The following ZFYVE26 variants were observed in gnomAD, a reference collection of about 807,000 sequenced individuals.
The protein encoded by ZFYVE26 is zinc finger FYVE domain-containing protein 26.
ZFYVE26 carries 181 observed loss-of-function variants against 276.5 expected under a neutral mutation model. That is an observed-to-expected ratio of 0.65 (90% CI 0.58 to 0.74). ZFYVE26 has a LOEUF of 0.74. Among genes scored for constraint, ZFYVE26 ranks in the 30% least tolerant of loss-of-function variants. The pLI is 0.00. For synonymous variants in ZFYVE26, 1,129 were observed against 1,203.1 expected, an observed-to-expected ratio of 0.94 and a Z score of 1.27; for missense variants, 2,821 against 3,097.9, an observed-to-expected ratio of 0.91 and a Z score of 2.12.
chr14:67,809,074 G>T, intron 4 of ZFYVE26, 126 bp downstream of exon 4: 1 of 835,764 alleles, frequency 1.2e-6, no homozygotes, highest in Non-Finnish European at 2.1e-6. Flanking sequence ...AGGAGCTTCT[G>T]TGTTGCCTTG....
intron 3 of ZFYVE26, 37 bp from the exon 4 acceptor site, chr14:67,809,326 T>C: frequency 2.4e-5 from 32 of 1,354,264 alleles, no homozygotes; most frequent in Non-Finnish European, 3.1e-5. Context: ...AGAGATGAGA[T>C]ATATGTTTTA....
Position 67,746,781 on chromosome 14 carries a change from T to C in ZFYVE26, c.*1655A>G, listed in dbSNP as rs1042457220. On this transcript the variant is annotated 3_prime_UTR_variant, in exon 42 of 42. Transcript: ENST00000347230. The stretch of plus-strand genomic sequence containing the variant: ...GTGACCCATTAGTATAAAGTGCTTA[T>C]GTTCAGTGCAAAAAAGGCAGACTCA... 2.6e-5 allele frequency: 4 copies of C among 152,600 alleles called. No individual in the cohort carries two copies. Among genetic ancestry groups the C allele is most frequent in the African/African-American group, 4.8e-5 (2 of 41,428 alleles). 9.5% of individuals were successfully genotyped at this position (152,600 alleles called of 1,614,324 possible). A position where few individuals can be genotyped will look rare whatever the true frequency, so the allele number is the denominator to read the frequency against.
intron 22 of ZFYVE26, among the ~76,000 whole-genome samples, chr14:67,780,961 CTT>C (rs1220699388): frequency 6.6e-6 from 1 of 152,166 alleles, no homozygotes; most frequent in African/African-American, 2.4e-5. Flanking sequence ...CTTCATATAT[CTT>C]TTCAAAATAG....
intron 16 of ZFYVE26, among the ~76,000 whole-genome samples, chr14:67,789,097 T>A (rs568803569): frequency 2.6e-5 from 4 of 152,334 alleles, no homozygotes; most frequent in African/African-American, 9.6e-5. Flanking sequence ...CATTTTAAAA[T>A]GTATATTTCT....
Position 67,748,226 on chromosome 14 carries a change from A to G in ZFYVE26, c.*210T>C. 1.6e-6 allele frequency: 1 copy of G among 610,076 alleles called. No individual in the cohort carries two copies. The highest frequency in any genetic ancestry group is 2.9e-6 in the Non-Finnish European group (1 of 347,134). 37.8% of individuals were successfully genotyped at this position (610,076 alleles called of 1,614,324 possible). A position where few individuals can be genotyped will look rare whatever the true frequency, so the allele number is the denominator to read the frequency against. On this transcript the variant is annotated 3_prime_UTR_variant, in exon 42 of 42. Coordinates refer to ENST00000347230, the MANE Select transcript of ZFYVE26 (RefSeq NM_015346.4). Reference sequence around the variant, plus strand: ...GAACTGGCCATCTCCAGACAAACACACATAGATTCCACAATTTTAGAGAAA... The same window carrying G: ...GAACTGGCCATCTCCAGACAAACACGCATAGATTCCACAATTTTAGAGAAA...
chr14:67,731,880 A>G (rs2038281070), intron 13 of ZFYVE26, among the ~76,000 whole-genome samples: 1 of 151,926 alleles, frequency 6.6e-6, no homozygotes, highest in South Asian at 2.1e-4. Context: ...TAATCCCAGC[A>G]CTTTGGGAGG....
chr14:67,766,499 A>G (rs755553727), intron 31 of ZFYVE26, 52 bp from the exon 32 acceptor site: 4 of 1,569,438 alleles, frequency 2.5e-6, no homozygotes, highest in African/African-American at 2.7e-5. Context: ...GGGCCAGAGC[A>G]TTCTCCAAAG....
At chr14:67,768,724 G>A (rs1381396225) in intron 29 of ZFYVE26, among the ~76,000 whole-genome samples, 176 bp from the exon 30 acceptor site, 1 of 152,138 alleles carries the variant, frequency 6.6e-6, no homozygotes, top group Non-Finnish European at 1.5e-5. Context: ...TCAAATCTCA[G>A]CAGTATGGTG....
At chr14:67,788,419 C>A (rs2039712631) in intron 16 of ZFYVE26, among the ~76,000 whole-genome samples, 2 of 152,042 alleles carry the variant, frequency 1.3e-5, no homozygotes, top group Non-Finnish European at 2.9e-5. Context: ...AACAAACAAA[C>A]CTTGGGCCTT....
At chr14:67,738,159 C>G (rs11158687) in intron 13 of ZFYVE26, among the ~76,000 whole-genome samples, 13 of 151,436 alleles carry the variant, frequency 8.6e-5, no homozygotes, top group African/African-American at 3.2e-4. Context: ...AATGGTGGAG[C>G]CATTTCTACC....
intron 3 of ZFYVE26, among the ~76,000 whole-genome samples, chr14:67,809,782 CTTTTTT>C (rs58842467): frequency 2.2e-4 from 27 of 120,094 alleles, no homozygotes; most frequent in Admixed American, 3.6e-4. Flanking sequence ...ATTCTTTTCT[CTTTTTT>C]TTTTTTTTTT....
At chr14:67,796,806 G>T (rs1423650161) in intron 12 of ZFYVE26, 1 of 151,920 alleles carries the variant, frequency 6.6e-6, no homozygotes, top group Admixed American at 6.6e-5. Flanking sequence ...ACAAACATTA[G>T]CCGGGCATGG....
At chr14:67,806,988 C>T (rs557956622) in intron 5 of ZFYVE26, among the ~76,000 whole-genome samples, 7 of 152,182 alleles carry the variant, frequency 4.6e-5, no homozygotes, top group Admixed American at 3.9e-4. Flanking sequence ...TGGAATACAG[C>T]GGTGCAAACA....
intron 9 of ZFYVE26, 125 bp from the exon 10 acceptor site, chr14:67,802,407 T>G: frequency 1.1e-6 from 1 of 948,396 alleles, no homozygotes; most frequent in Non-Finnish European, 1.6e-6. Flanking sequence ...CCTCTCTCCT[T>G]TCTGTCGGTC....
In ZFYVE26 at chr14:67,762,767, G is replaced by T; in HGVS notation, c.6064C>A (p.His2022Asn). Reference protein sequence around the residue: ...LNILVAAAYRHVPSLDQILQP... With the variant: ...LNILVAAAYRNVPSLDQILQP... ...AAGATCTGATCCAAAGATGGCACGT[G>T]GCGATAGGCAGCAGCAACTAAAATA... Residue 2022 changes from histidine to asparagine, a missense_variant, in exon 33 of 42, where the codon CAC (histidine) becomes AAC (asparagine). Physicochemically the swap from His to Asn is moderately conservative, Grantham distance 68 (BLOSUM62 1). Coordinates refer to ENST00000347230, the MANE Select transcript of ZFYVE26 (RefSeq NM_015346.4). 6.2e-7 allele frequency: 1 copy of T among 1,614,200 alleles called. No individual in the cohort carries two copies.
intron 25 of ZFYVE26, among the ~76,000 whole-genome samples, chr14:67,777,225 A>G (rs1004399396): frequency 6.6e-6 from 1 of 152,190 alleles, no homozygotes; most frequent in Non-Finnish European, 1.5e-5. Flanking sequence ...ATTCTAATAT[A>G]TTGTCAGCAT....
At position 67,780,356 on chromosome 14, in the gene ZFYVE26, A is replaced by G. The variant is rs1435916208; in HGVS notation, c.4570-11T>C. The G allele has an allele frequency of 1.9e-6, 3 of 1,610,736 alleles. No homozygotes were observed. Among genetic ancestry groups the G allele is most frequent in the Non-Finnish European group, 2.5e-6 (3 of 1,178,484 alleles). On this transcript the variant is annotated splice_polypyrimidine_tract_variant and intron_variant, in intron 22 of 41. Coordinates refer to ENST00000347230, the MANE Select transcript of ZFYVE26 (RefSeq NM_015346.4). ...CTGCAAACCCAGAATCTAAGGAAAG[A>G]CAAGAAAATCCGTCAAACCACACTG...
At chr14:67,771,865 C>T (rs543215963) in intron 28 of ZFYVE26, among the ~76,000 whole-genome samples, 182 bp downstream of exon 28, 1 of 152,342 alleles carries the variant, frequency 6.6e-6, no homozygotes, top group East Asian at 1.9e-4. Flanking sequence ...TGTCTACTAC[C>T]TGTCTGAATC....
intron 41 of ZFYVE26, chr14:67,750,447 G>A (rs1212820430): frequency 1.3e-5 from 2 of 158,314 alleles, no homozygotes; most frequent in African/African-American, 4.8e-5. Context: ...GATGGCAGAA[G>A]GATCAATCCA....
Sources: gnomAD v4.1 joint callset for allele counts (sites outside exome capture counted in the v4.1 genomes callset) on GRCh38, gnomAD v4.1.1 for gene constraint, MANE v1.5 for transcripts, NCBI Gene and HGNC (gene_info 2026-07-23, HGNC 2026-07-21) for gene names.